The following REV3L variants were observed in gnomAD, a reference collection of about 807,000 sequenced individuals.
REV3L encodes DNA polymerase zeta catalytic subunit.
A neutral mutation model predicts 299.4 loss-of-function variants in REV3L; 69 were observed. That is an observed-to-expected ratio of 0.23 (90% confidence interval 0.19 to 0.28). REV3L has a LOEUF of 0.28. Ranked by LOEUF, REV3L falls within the 10% of genes least tolerant of loss-of-function variation. REV3L has a pLI of 1.00. For missense variants in REV3L, 3,128 were observed against 3,693.8 expected (o/e 0.85, Z 3.97); for synonymous variants, 1,238 against 1,271.4 (o/e 0.97, Z 0.56).
At chr6:111,417,468 C>T (rs1285171398) in intron 1 of REV3L, among the ~76,000 whole-genome samples, 1 of 152,132 alleles carries the variant, frequency 6.6e-6, no homozygotes, top group Non-Finnish European at 1.5e-5. Context: ...AGAACACATC[C>T]ATTTTTCTCA....
In REV3L at chr6:111,320,451, G is replaced by GA. The variant is rs567766732; in HGVS notation, c.8351+2117dup. On this transcript the variant is annotated intron_variant, in intron 26 of 31. Transcript: ENST00000368802. Reference sequence around the variant, plus strand: ...CTTTTATCATTATTGTCCTTCCAAGGAAAAAAAAACACAAATTTAAATTAT... The same window carrying GA: ...CTTTTATCATTATTGTCCTTCCAAGGAAAAAAAAAACACAAATTTAAATTAT... Among the ~76,000 whole-genome samples the GA allele has an allele frequency of 3.0e-3, 450 of 149,094 alleles. 1 individual carries two copies. The highest frequency in any genetic ancestry group is 4.1e-3 in the Non-Finnish European group (272 of 67,136).
intron 1 of REV3L, among the ~76,000 whole-genome samples, chr6:111,422,902 C>G (rs1204704966): frequency 6.6e-6 from 1 of 151,320 alleles, no homozygotes; most frequent in African/African-American, 2.4e-5. Context: ...ATAAAATATA[C>G]AGAACTTTAT....
At chr6:111,301,413 C>T (rs1483487402) in intron 31 of REV3L, among the ~76,000 whole-genome samples, 1 of 151,940 alleles carries the variant, frequency 6.6e-6, no homozygotes, top group African/African-American at 2.4e-5. Context: ...TTTTGAAACC[C>T]CTAATAAAAA....
intron 1 of REV3L, among the ~76,000 whole-genome samples, chr6:111,443,392 G>A (rs570611860): frequency 4.9e-4 from 74 of 152,010 alleles, no homozygotes; most frequent in Admixed American, 4.5e-3. Flanking sequence ...GTGATCCACC[G>A]CGCCCGGCCA....
intron 1 of REV3L, among the ~76,000 whole-genome samples, chr6:111,465,904 G>C (rs902764688): frequency 3.3e-5 from 5 of 151,914 alleles, no homozygotes; most frequent in Non-Finnish European, 7.4e-5. Flanking sequence ...TTTGACACAG[G>C]ACAAAAAGAT....
intron 1 of REV3L, among the ~76,000 whole-genome samples, chr6:111,453,942 T>A (rs1473578988): frequency 1.3e-5 from 2 of 152,106 alleles, no homozygotes; most frequent in African/African-American, 4.8e-5. Context: ...GCTAAGATCA[T>A]GCCATTGCAC....
At chr6:111,382,731 TAC>T (rs1485733577) in intron 9 of REV3L, among the ~76,000 whole-genome samples, 1 of 152,132 alleles carries the variant, frequency 6.6e-6, no homozygotes, top group Non-Finnish European at 1.5e-5. Flanking sequence ...AGACTTGGGG[TAC>T]ACGCGCCTGG....
At chr6:111,384,244 A>G (rs1284740057) in intron 9 of REV3L, among the ~76,000 whole-genome samples, 7 of 152,202 alleles carry the variant, frequency 4.6e-5, no homozygotes, top group African/African-American at 1.7e-4. Context: ...AAGCAAAAGC[A>G]GACAAATGGG....
chr6:111,387,059 T>A (rs1034788196), intron 9 of REV3L, among the ~76,000 whole-genome samples: 4 of 152,082 alleles, frequency 2.6e-5, no homozygotes, highest in Non-Finnish European at 5.9e-5. Flanking sequence ...TGAAAACAAC[T>A]CAAATGCTGA....
rs926835677 is a variant in REV3L, at chr6:111,479,940, G to A, written c.139+2810C>T. Among the ~76,000 whole-genome samples the A allele has an allele frequency of 2.0e-5, 3 of 152,152 alleles. No individual in the cohort carries two copies. In the East Asian group the frequency reaches 5.8e-4, roughly 29 times the overall value. ...TCCTCAAAACACAGAACAATCAAAA[G>A]TCAACTGGACTGTTTTCTAAAGCAG... On this transcript the variant is annotated intron_variant, in intron 1 of 31. Transcript: ENST00000368802.
intron 1 of REV3L, among the ~76,000 whole-genome samples, chr6:111,478,666 TATTTA>T (rs1793239150): frequency 6.6e-6 from 1 of 151,824 alleles, no homozygotes; most frequent in African/African-American, 2.4e-5. Context: ...TAGTTTCTTA[TATTTA>T]ATTTTATAAA....
intron 21 of REV3L, among the ~76,000 whole-genome samples, chr6:111,341,558 G>C (rs1776483745): frequency 6.6e-6 from 1 of 152,144 alleles, no homozygotes; most frequent in South Asian, 2.1e-4. Context: ...AGTAAGTACA[G>C]ATTCACTCAT....
Position 111,367,663 on chromosome 6 carries a change from T to A in REV3L, c.6125A>T (p.Asn2042Ile), listed in dbSNP as rs1025456191. 1.9e-6 allele frequency: 3 copies of A among 1,614,210 alleles called. No homozygotes were observed. The highest frequency in any genetic ancestry group is 2.5e-6 in the Non-Finnish European group (3 of 1,180,034). Residue 2042 changes from asparagine (N) to isoleucine (I), a missense_variant, in exon 14 of 32, where the codon AAC becomes ATC. Asn to Ile is a moderately radical substitution (Grantham distance 149). This residue lies in a region of REV3L where 2,409 missense variants were observed against 2,611.8 expected (regional missense o/e 0.92). Coordinates refer to ENST00000368802, the MANE Select transcript of REV3L (RefSeq NM_001372078.1). Reference protein sequence around the residue: ...KSAENFSSSVNPDDKPVVPPK... With the variant: ...KSAENFSSSVIPDDKPVVPPK... ...AGGCACTACAGGTTTGTCATCTGGGTTAACTGAAGAGCTAAAGTTCTCAGC... is the reference window on the plus strand; with the variant it reads ...AGGCACTACAGGTTTGTCATCTGGGATAACTGAAGAGCTAAAGTTCTCAGC...
intron 30 of REV3L, chr6:111,307,910 T>G: frequency 3.4e-6 from 1 of 292,284 alleles, no homozygotes; most frequent in Non-Finnish European, 6.6e-6. Context: ...ACATTAGGTA[T>G]TTCTCCTAAT....
intron 16 of REV3L, chr6:111,360,585 C>T (rs1778557743): frequency 1.3e-5 from 2 of 150,716 alleles, no homozygotes; most frequent in South Asian, 4.2e-4. Flanking sequence ...AAGTGATCCA[C>T]TCACTTCAGC....
In REV3L at chr6:111,315,339, A is replaced by G; in HGVS notation, c.8394T>C (p.Phe2798=). 4 of 1,614,110 alleles carry G rather than the reference A, an allele frequency of 2.5e-6. No individual in the cohort carries two copies. The change falls in exon 27 of 32, where the codon TTT becomes TTC. Residue 2798 remains phenylalanine, a synonymous_variant. Coordinates refer to ENST00000368802, the MANE Select transcript of REV3L (RefSeq NM_001372078.1). Reference sequence around the variant, plus strand: ...CTTCGGCAATTTCCTGACCAATCTTAAAAGACTGCTCCTTAGTGGCTCCTT... The same window carrying G: ...CTTCGGCAATTTCCTGACCAATCTTGAAAGACTGCTCCTTAGTGGCTCCTT... ...LLKGATKEQS[F]KIGQEIAEAV...
intron 21 of REV3L, among the ~76,000 whole-genome samples, chr6:111,342,624 T>C (rs886240960): frequency 4.0e-5 from 6 of 149,024 alleles, no homozygotes; most frequent in African/African-American, 9.9e-5. Context: ...GCAGAGACTG[T>C]GCCACTGCAC....
chr6:111,349,172 G>T lies in REV3L; in HGVS notation c.7419+46C>A. 6.3e-6 allele frequency: 6 copies of T among 957,492 alleles called. No homozygotes were observed. The South Asian group carries it at 6.8e-5, about 11-fold the overall frequency. 59.3% of individuals were successfully genotyped at this position (957,492 alleles called of 1,614,324 possible). ...TCTATAATGATTAAATCATTATATT[G>T]ACCGAATATCTTATTTCTAAACAAC... On this transcript the variant is annotated intron_variant, in intron 20 of 31. Coordinates refer to ENST00000368802, the MANE Select transcript of REV3L (RefSeq NM_001372078.1).
In REV3L at chr6:111,443,164, AT is replaced by A. The variant is rs943752881; in HGVS notation, c.140-26693del. ...TGCCTACTTCTTTATATATCTAGTAATTTTTTTTTTTCTCAGACAGAGTCTT... is the reference window on the plus strand; with the variant it reads ...TGCCTACTTCTTTATATATCTAGTAATTTTTTTTTTCTCAGACAGAGTCTT... On this transcript the variant is annotated intron_variant, in intron 1 of 31. Coordinates refer to ENST00000368802, the MANE Select transcript of REV3L (RefSeq NM_001372078.1). Among the ~76,000 whole-genome samples the A allele has an allele frequency of 2.5e-3, 371 of 147,328 alleles. 1 individual carries two copies. The highest frequency in any genetic ancestry group is 8.3e-3 in the African/African-American group (333 of 40,238).
Sources: gnomAD v4.1 joint callset for allele counts (sites outside exome capture counted in the v4.1 genomes callset) on GRCh38, gnomAD v4.1.1 for gene constraint, gnomAD v4.1.1 regional missense constraint, MANE v1.5 for transcripts, NCBI Gene and HGNC (gene_info 2026-07-23, HGNC 2026-07-21) for gene names.